The following SYNDIG1L variants were observed in gnomAD, a reference collection of about 807,000 sequenced individuals.
SYNDIG1L encodes the protein synapse differentiation-inducing gene protein 1-like.
SYNDIG1L carries 13 observed loss-of-function variants against 20.1 expected under a neutral mutation model. That is an observed-to-expected ratio of 0.65 (90% CI 0.42 to 1.03). The LOEUF (loss-of-function observed/expected upper bound fraction) is 1.03. Among genes scored for constraint, SYNDIG1L ranks in the 50% least tolerant of loss-of-function variants. The probability of loss-of-function intolerance (pLI) is 0.00; values close to 1 mark genes in which losing one functional copy is unlikely to be tolerated. For synonymous variants in SYNDIG1L, 128 were observed against 129.3 expected, an observed-to-expected ratio of 0.99 and a Z score of 0.07; for missense variants, 294 against 305.1, an observed-to-expected ratio of 0.96 and a Z score of 0.27.
intron 1 of SYNDIG1L, among the ~76,000 whole-genome samples, chr14:74,423,975 T>C (rs1017263006): frequency 4.6e-5 from 7 of 152,142 alleles, no homozygotes; most frequent in Non-Finnish European, 7.4e-5. Context: ...GTCACACTTA[T>C]GGCTTTCCCA....
chr14:74,417,943 T>C (rs2086190052), intron 1 of SYNDIG1L, among the ~76,000 whole-genome samples: 1 of 152,226 alleles, frequency 6.6e-6, no homozygotes, highest in Admixed American at 6.5e-5. Flanking sequence ...CGAGCCTTTG[T>C]GAAGAAGTTG....
intron 1 of SYNDIG1L, among the ~76,000 whole-genome samples, chr14:74,410,593 G>T (rs2086122857): frequency 6.6e-6 from 1 of 152,174 alleles, no homozygotes; most frequent in African/African-American, 2.4e-5. Flanking sequence ...GGCTAGCGAA[G>T]ATAACTGGGG....
the SYNDIG1L span, among the ~76,000 whole-genome samples, chr14:74,440,908 C>T: frequency 1.3e-5 from 2 of 152,166 alleles, no homozygotes; most frequent in East Asian, 3.8e-4. Context: ...GGAGATAAGT[C>T]CCCAGTCTGT....
At chr14:74,439,777 GC>G in the SYNDIG1L span, among the ~76,000 whole-genome samples, 1 of 151,528 alleles carries the variant, frequency 6.6e-6, no homozygotes, top group East Asian at 2.0e-4. Flanking sequence ...AACTCGGGAG[GC>G]TGAGGCAGGA....
the SYNDIG1L span, among the ~76,000 whole-genome samples, chr14:74,459,699 G>A: frequency 1.3e-5 from 2 of 152,180 alleles, no homozygotes; most frequent in Non-Finnish European, 2.9e-5. Flanking sequence ...GTAACGTCCA[G>A]GCCTTGGCTA....
chr14:74,460,566 A>G, the SYNDIG1L span, among the ~76,000 whole-genome samples: 1 of 152,154 alleles, frequency 6.6e-6, no homozygotes, highest in Non-Finnish European at 1.5e-5. Context: ...GTCCACTGAG[A>G]AACCCTTGGC....
chr14:74,408,644 T>C (rs78400449), intron 2 of SYNDIG1L, among the ~76,000 whole-genome samples: 2,991 of 151,482 alleles, frequency 0.02, 127 homozygotes, highest in South Asian at 0.15. Flanking sequence ...GAACTCACAA[T>C]GGAAGACCAT....
At chr14:74,466,176 A>T in the SYNDIG1L span, among the ~76,000 whole-genome samples, 1 of 152,146 alleles carries the variant, frequency 6.6e-6, no homozygotes, top group Non-Finnish European at 1.5e-5. Flanking sequence ...AGCCTGAGTG[A>T]CAGGCAGGGT....
At chr14:74,456,660 G>A in the SYNDIG1L span, among the ~76,000 whole-genome samples, 1 of 152,062 alleles carries the variant, frequency 6.6e-6, no homozygotes, top group African/African-American at 2.4e-5. Context: ...TATAAAAGAG[G>A]GGTCACTGGA....
At chr14:74,451,608 A>G in the SYNDIG1L span, among the ~76,000 whole-genome samples, 271 of 152,350 alleles carry the variant, frequency 1.8e-3, no homozygotes, top group African/African-American at 6.0e-3. Context: ...TCTTTGAAAG[A>G]CATTTTAAAG....
At chr14:74,457,497 C>T in the SYNDIG1L span, among the ~76,000 whole-genome samples, 1 of 151,994 alleles carries the variant, frequency 6.6e-6, no homozygotes, top group Non-Finnish European at 1.5e-5. Flanking sequence ...GGCCACATTT[C>T]CTCCTCCAGA....
chr14:74,432,153 G>GTGTC, the SYNDIG1L span, among the ~76,000 whole-genome samples: 1 of 132,248 alleles, frequency 7.6e-6, no homozygotes, highest in Non-Finnish European at 1.6e-5. Flanking sequence ...GTGTGTGTGT[G>GTGTC]TGTGTGTGTG....
the SYNDIG1L span, among the ~76,000 whole-genome samples, chr14:74,478,247 T>A: frequency 6.6e-6 from 1 of 152,226 alleles, no homozygotes; most frequent in Non-Finnish European, 1.5e-5. Flanking sequence ...GTATTATCTG[T>A]CTGTTCCTGC....
At chr14:74,430,227 C>T (rs550174159), upstream of SYNDIG1L, among the ~76,000 whole-genome samples, 30 of 152,206 alleles carry the variant, frequency 2.0e-4, no homozygotes, top group African/African-American at 5.5e-4. Flanking sequence ...CTCTGGCATC[C>T]GCAGGCTGCT....
At chr14:74,468,656 C>T in the SYNDIG1L span, among the ~76,000 whole-genome samples, 1 of 152,240 alleles carries the variant, frequency 6.6e-6, no homozygotes, top group Non-Finnish European at 1.5e-5. Flanking sequence ...GCTGTGTGCT[C>T]AGGTGTGCAT....
the SYNDIG1L span, among the ~76,000 whole-genome samples, chr14:74,471,628 ACAC>A: frequency 6.6e-6 from 1 of 152,008 alleles, no homozygotes; most frequent in Non-Finnish European, 1.5e-5. Context: ...ACACACACAC[ACAC>A]AAATCCTCAC....
the SYNDIG1L span, among the ~76,000 whole-genome samples, chr14:74,439,069 G>T: frequency 6.1e-5 from 9 of 148,320 alleles, no homozygotes; most frequent in African/African-American, 2.3e-4. Context: ...AGCCGAGATT[G>T]TGCCATTGCA....
chr14:74,454,474 G>A, the SYNDIG1L span, among the ~76,000 whole-genome samples: 1 of 152,184 alleles, frequency 6.6e-6, no homozygotes, highest in Non-Finnish European at 1.5e-5. Flanking sequence ...AGAGCAGCTA[G>A]GTGACTGCCT....
chr14:74,458,367 A>G, the SYNDIG1L span, among the ~76,000 whole-genome samples: 3 of 152,018 alleles, frequency 2.0e-5, no homozygotes, highest in Non-Finnish European at 4.4e-5. Context: ...GGGTAACCTC[A>G]GCACTTTGGG....
Sources: allele counts gnomAD v4.1 joint callset (sites outside exome capture counted in the v4.1 genomes callset), GRCh38; gene constraint gnomAD v4.1.1; transcripts MANE v1.5; gene names NCBI Gene and HGNC (gene_info 2026-07-23, HGNC 2026-07-21).